NLRP13: variants seen among roughly 807,000 people sequenced by gnomAD.
NLRP13 encodes NLR family pyrin domain containing 13.
NLRP13 carries 82 observed loss-of-function variants against 94.4 expected under a neutral mutation model. The ratio of observed to expected loss-of-function variants is 0.87; its 90% CI spans 0.73 to 1.04. The LOEUF (loss-of-function observed/expected upper bound fraction) is 1.04. Ranked by LOEUF, NLRP13 falls within the 50% of genes least tolerant of loss-of-function variation. NLRP13 has a pLI of 0.00. For synonymous variants in NLRP13, 553 were observed against 464.7 expected, an observed-to-expected ratio of 1.19 and a Z score of -2.45; for missense variants, 1,426 against 1,230.8, an observed-to-expected ratio of 1.16 and a Z score of -2.37.
At position 55,932,136 on chromosome 19, in the gene NLRP13, T is replaced by C; in HGVS notation, c.176A>G (p.Asn59Ser). ...QGHFPRIPWANLRAADPLNLS... is the reference protein window; with the variant it reads ...QGHFPRIPWASLRAADPLNLS... Reference sequence around the variant, plus strand: ...ATTCAAAGGGTCGGCAGCTCTCAAGTTTGCCCAGGGGATACGCGGGAAGTG... The same window carrying C: ...ATTCAAAGGGTCGGCAGCTCTCAAGCTTGCCCAGGGGATACGCGGGAAGTG... Residue 59 changes from asparagine (N) to serine (S), a missense_variant, in exon 1 of 11, where the codon AAC (asparagine) becomes AGC (serine). Transcript: ENST00000342929. 6.2e-7 allele frequency: 1 copy of C among 1,614,114 alleles called. No individual in the cohort carries two copies.
At chr19:55,924,462 T>C in intron 3 of NLRP13, 128 bp downstream of exon 3, 1 of 683,670 alleles carries the variant, frequency 1.5e-6, no homozygotes, top group East Asian at 2.6e-5. Context: ...AAGAACTAGA[T>C]GGAAAGAGTT....
rs755534843 is a variant in NLRP13, at chr19:55,898,896, A to G, written c.2831T>C (p.Leu944Pro). ...ATGATTATGGCTGAGGGCATTAGCCAGCTCTCCACAGCCCTCTCTTGTGAA... is the reference window on the plus strand; with the variant it reads ...ATGATTATGGCTGAGGGCATTAGCCGGCTCTCCACAGCCCTCTCTTGTGAA... ...CSFTREGCGELANALSHNHNV... is the reference protein window; with the variant it reads ...CSFTREGCGEPANALSHNHNV... Residue 944 changes from leucine to proline, a missense_variant, in exon 10 of 11, where the codon CTG (leucine) becomes CCG (proline). Leu to Pro is a moderately conservative substitution (Grantham distance 98). Transcript: ENST00000342929. 1.9e-6 allele frequency: 3 copies of G among 1,612,214 alleles called. No homozygotes were observed. Among genetic ancestry groups the G allele is most frequent in the Non-Finnish European group, 2.5e-6 (3 of 1,179,572 alleles).
At position 55,902,185 on chromosome 19, in the gene NLRP13, G is replaced by A. The variant is rs1471549050; in HGVS notation, c.2639C>T (p.Ala880Val). 2 of 1,613,842 alleles carry A rather than the reference G, an allele frequency of 1.2e-6. No homozygotes were observed. Among genetic ancestry groups the A allele is most frequent in the Middle Eastern group, 1.6e-4 (1 of 6,062 alleles). The change falls in exon 9 of 11, where the codon GCA (alanine) becomes GTA (valine). Residue 880 changes from alanine (A) to valine (V), a missense_variant. Transcript: ENST00000342929. ...ERLELWFCQL[A>V]APACKHLSDA... ...TGACAAGTGCTTGCAAGCGGGTGCT[G>A]CCAGCTGGCAAAACCAGAGCCTGCA...
chr19:55,896,446 C>T (rs563164202), intron 10 of NLRP13, among the ~76,000 whole-genome samples: 6 of 141,618 alleles, frequency 4.2e-5, no homozygotes, highest in South Asian at 4.7e-4. Context: ...CGCTTGAACC[C>T]GGGAGGTGGA....
chr19:55,906,762 C>CT (rs1986365069), intron 7 of NLRP13, among the ~76,000 whole-genome samples: 1 of 144,304 alleles, frequency 6.9e-6, no homozygotes, highest in South Asian at 2.2e-4. Context: ...AGACCCCCCC[C>CT]TGCTCCATGA....
intron 6 of NLRP13, among the ~76,000 whole-genome samples, chr19:55,908,269 C>G (rs546064220): frequency 3.4e-4 from 52 of 152,252 alleles, no homozygotes; most frequent in African/African-American, 1.3e-3. Context: ...ATGACCCCCC[C>G]ATATACACAT....
chr19:55,907,731 C>T (rs1038856722), intron 7 of NLRP13, 61 bp downstream of exon 7: 34 of 1,521,472 alleles, frequency 2.2e-5, no homozygotes, highest in Admixed American at 5.3e-5. Context: ...CCCAGTGGAT[C>T]GTGGAAGCTA....
intron 9 of NLRP13, among the ~76,000 whole-genome samples, chr19:55,900,641 T>C (rs578191701): frequency 7.3e-5 from 11 of 151,414 alleles, no homozygotes; most frequent in African/African-American, 2.4e-4. Context: ...CCGGGCATGG[T>C]GGCGGGCACC....
At chr19:55,915,381 T>C (rs1568696735) in intron 4 of NLRP13, among the ~76,000 whole-genome samples, 1 of 152,032 alleles carries the variant, frequency 6.6e-6, no homozygotes, top group Non-Finnish European at 1.5e-5. Flanking sequence ...GTGGATCACC[T>C]GAGGTCAGGA....
rs1383536583 is a variant in NLRP13, at chr19:55,911,872, C to T, written c.1945G>A (p.Asp649Asn). ...CGACCCAACATCTTCTTTGTGAAGTCTTCCTCCTGGGACTCGTGTAGGCAG... is the reference window on the plus strand; with the variant it reads ...CGACCCAACATCTTCTTTGTGAAGTTTTCCTCCTGGGACTCGTGTAGGCAG... ...FHCLHESQEEDFTKKMLGRIF... is the reference protein window; with the variant it reads ...FHCLHESQEENFTKKMLGRIF... Residue 649 changes from aspartate to asparagine, a missense_variant, in exon 5 of 11, where the codon GAC becomes AAC. By Grantham distance (23) the Asp-to-Asn change is conservative. Coordinates refer to ENST00000342929, the MANE Select transcript of NLRP13 (RefSeq NM_176810.2). 4.3e-6 allele frequency: 7 copies of T among 1,614,200 alleles called. No individual in the cohort carries two copies. The East Asian group carries it at 1.1e-4, about 26-fold the overall frequency.
In NLRP13 at chr19:55,924,037, A is replaced by G. The variant is rs186872931; in HGVS notation, c.458-58T>C. The G allele has an allele frequency of 3.2e-3, 4,391 of 1,361,784 alleles. 12 individuals are homozygous for G. The highest frequency in any genetic ancestry group is 4.1e-3 in the Non-Finnish European group (3,866 of 949,904). 84.4% of individuals were successfully genotyped at this position (1,361,784 alleles called of 1,614,324 possible). A position where few individuals can be genotyped will look rare whatever the true frequency, so the allele number is the denominator to read the frequency against. ...TACCCCAGACTGAAAATGGGCCACAATGATAAAGACTCTCAGTAGAACCAA... is the reference window on the plus strand; with the variant it reads ...TACCCCAGACTGAAAATGGGCCACAGTGATAAAGACTCTCAGTAGAACCAA... On this transcript the variant is annotated intron_variant, in intron 3 of 10. Coordinates refer to ENST00000342929, the MANE Select transcript of NLRP13 (RefSeq NM_176810.2).
At chr19:55,915,751 C>T (rs1986659283) in intron 4 of NLRP13, among the ~76,000 whole-genome samples, 1 of 152,126 alleles carries the variant, frequency 6.6e-6, no homozygotes, top group Non-Finnish European at 1.5e-5. Context: ...ATAGGCTTGC[C>T]TTGTCCAGCC....
In NLRP13 at chr19:55,900,175, C is replaced by T. The variant is rs542646922; in HGVS notation, c.2790-1238G>A. Among the ~76,000 whole-genome samples, 29 of 151,356 alleles carry T rather than the reference C, an allele frequency of 1.9e-4. 1 individual carries two copies. Among genetic ancestry groups the T allele is most frequent in the African/African-American group, 6.8e-4 (28 of 41,212 alleles). On this transcript the variant is annotated intron_variant, in intron 9 of 10. Transcript: ENST00000342929. ...TACAGATGGTAAATTTACAATAAAA[C>T]GATTAAAGTTTTAAAAACAAGAAAG...
chr19:55,910,982 C>T (rs892284013), intron 5 of NLRP13, among the ~76,000 whole-genome samples: 1 of 152,048 alleles, frequency 6.6e-6, no homozygotes, highest in Non-Finnish European at 1.5e-5. Flanking sequence ...TGTAGTGGTG[C>T]ATGCCTGTAA....
At chr19:55,906,757 C>G (rs575684822) in intron 7 of NLRP13, among the ~76,000 whole-genome samples, 2 of 150,654 alleles carry the variant, frequency 1.3e-5, no homozygotes, top group East Asian at 1.9e-4. Context: ...TTTACAGACC[C>G]CCCCCTGCTC....
At chr19:55,894,423 A>G (rs961767481), downstream of NLRP13, among the ~76,000 whole-genome samples, 2 of 152,144 alleles carry the variant, frequency 1.3e-5, no homozygotes, top group Non-Finnish European at 2.9e-5. Flanking sequence ...CAGTGCCTCA[A>G]AGGGGCAACA....
intron 10 of NLRP13, among the ~76,000 whole-genome samples, chr19:55,897,590 T>G (rs1197388697): frequency 6.6e-6 from 1 of 152,188 alleles, no homozygotes; most frequent in Non-Finnish European, 1.5e-5. Context: ...AGTAAGTTGC[T>G]TCGTTAACTG....
chr19:55,903,349 A>G (rs952922519), intron 8 of NLRP13, among the ~76,000 whole-genome samples: 34 of 152,130 alleles, frequency 2.2e-4, no homozygotes, highest in Non-Finnish European at 5.9e-5. Context: ...GGTGACACCT[A>G]AAGGTCCTTG....
intron 7 of NLRP13, among the ~76,000 whole-genome samples, chr19:55,906,790 C>G (rs1385776627): frequency 6.6e-6 from 1 of 152,036 alleles, no homozygotes; most frequent in Non-Finnish European, 1.5e-5. Flanking sequence ...CTGACTTTCT[C>G]CCTCTTCCCC....
Sources: gnomAD v4.1 joint callset for allele counts (sites outside exome capture counted in the v4.1 genomes callset) on GRCh38, gnomAD v4.1.1 for gene constraint, MANE v1.5 for transcripts, NCBI Gene and HGNC (gene_info 2026-07-23, HGNC 2026-07-21) for gene names.